The following ZNF148 variants were observed in gnomAD, a reference collection of about 807,000 sequenced individuals.
ZNF148 encodes the protein zinc finger protein 148.
A neutral mutation model predicts 67.7 loss-of-function variants in ZNF148; 7 were observed. The ratio of observed to expected loss-of-function variants is 0.10; its 90% CI spans 0.06 to 0.19. ZNF148 has a LOEUF of 0.19. ZNF148 is among the 10% of genes least tolerant of loss of function. ZNF148 has a pLI of 1.00. For missense variants in ZNF148, 583 were observed against 947.1 expected (o/e 0.62, Z 5.05); for synonymous variants, 333 against 330.7 (o/e 1.01, Z -0.08).
chr3:125,238,756 C>G (rs1936210116), intron 7 of ZNF148, among the ~76,000 whole-genome samples: 1 of 152,140 alleles, frequency 6.6e-6, no homozygotes, highest in Admixed American at 6.5e-5. Context: ...AATTCCATTC[C>G]TAGGTACATA....
chr3:125,312,591 G>A (rs1327252772), intron 4 of ZNF148, among the ~76,000 whole-genome samples: 3 of 152,122 alleles, frequency 2.0e-5, no homozygotes, highest in Non-Finnish European at 2.9e-5. Context: ...TATAAAACAG[G>A]TATGAAGTAT....
At chr3:125,262,570 A>ATT (rs1267952898) in intron 7 of ZNF148, among the ~76,000 whole-genome samples, 6 of 152,268 alleles carry the variant, frequency 3.9e-5, no homozygotes, top group African/African-American at 1.4e-4. Context: ...CCCTTGTAAT[A>ATT]ACAGGCTGAA....
intron 1 of ZNF148, among the ~76,000 whole-genome samples, chr3:125,340,782 C>T (rs1941682915): frequency 2.0e-5 from 3 of 151,554 alleles, no homozygotes; most frequent in South Asian, 2.1e-4. Context: ...GTCAGGAGAT[C>T]GAGACCATCC....
chr3:125,328,022 A>G (rs1311716280), intron 2 of ZNF148, among the ~76,000 whole-genome samples: 2 of 152,038 alleles, frequency 1.3e-5, no homozygotes, highest in African/African-American at 2.4e-5. Flanking sequence ...TGTCATTATG[A>G]ATGTATACCT....
chr3:125,367,508 C>T (rs754266381), intron 1 of ZNF148, among the ~76,000 whole-genome samples: 34 of 152,160 alleles, frequency 2.2e-4, no homozygotes, highest in Non-Finnish European at 3.5e-4. Context: ...CAATTCATTG[C>T]TAGTGCATAT....
chr3:125,259,904 T>TA (rs1937259371), intron 7 of ZNF148, among the ~76,000 whole-genome samples: 2 of 152,184 alleles, frequency 1.3e-5, no homozygotes, highest in South Asian at 4.1e-4. Flanking sequence ...GCTTTTGACT[T>TA]AAAGTGAGAG....
At chr3:125,297,544 C>T (rs532211673) in intron 4 of ZNF148, among the ~76,000 whole-genome samples, 1 of 151,306 alleles carries the variant, frequency 6.6e-6, no homozygotes, top group Non-Finnish European at 1.5e-5. Context: ...TAAAGAACTA[C>T]TACAAATCTG....
intron 2 of ZNF148, among the ~76,000 whole-genome samples, chr3:125,328,351 TAA>T (rs1191207376): frequency 6.6e-6 from 1 of 151,940 alleles, no homozygotes; most frequent in African/African-American, 2.4e-5. Flanking sequence ...GGCAAAATAA[TAA>T]AATCAAAAGA....
At chr3:125,257,620 C>T (rs969617512) in intron 7 of ZNF148, among the ~76,000 whole-genome samples, 12 of 148,736 alleles carry the variant, frequency 8.1e-5, no homozygotes, top group East Asian at 2.0e-4. Context: ...CAGGGGATTA[C>T]GCCATTTTCA....
chr3:125,293,298 T>C (rs1396239438), intron 4 of ZNF148, among the ~76,000 whole-genome samples: 1 of 152,146 alleles, frequency 6.6e-6, no homozygotes, highest in African/African-American at 2.4e-5. Context: ...TTAATACAGA[T>C]GCCCGGGCCC....
At chr3:125,282,235 T>G (rs932288685) in intron 5 of ZNF148, among the ~76,000 whole-genome samples, 8 of 152,170 alleles carry the variant, frequency 5.3e-5, no homozygotes, top group Admixed American at 4.6e-4. Flanking sequence ...ACTTGCCTTC[T>G]TTTCTTGCTC....
At chr3:125,261,867 A>G (rs900588219) in intron 7 of ZNF148, among the ~76,000 whole-genome samples, 2 of 151,216 alleles carry the variant, frequency 1.3e-5, no homozygotes, top group African/African-American at 4.9e-5. Flanking sequence ...CACAGAGTAA[A>G]TAATATTAAG....
At chr3:125,244,817 C>T (rs778355747) in intron 7 of ZNF148, among the ~76,000 whole-genome samples, 1 of 152,088 alleles carries the variant, frequency 6.6e-6, no homozygotes, top group Non-Finnish European at 1.5e-5. Context: ...TACTAGTCCT[C>T]TCAACAAGCA....
intron 1 of ZNF148, chr3:125,344,077 T>G (rs1035593013): frequency 1.1e-4 from 20 of 185,936 alleles, no homozygotes; most frequent in Non-Finnish European, 1.0e-4. Flanking sequence ...ACGCATTAAA[T>G]TACTTGAGTT....
chr3:125,283,549 GAC>G (rs1273152799), intron 5 of ZNF148, among the ~76,000 whole-genome samples: 1 of 152,010 alleles, frequency 6.6e-6, no homozygotes, highest in Non-Finnish European at 1.5e-5. Flanking sequence ...ATTTATACAA[GAC>G]ACACAATTTC....
At chr3:125,248,772 C>T (rs535644760) in intron 7 of ZNF148, among the ~76,000 whole-genome samples, 3 of 152,108 alleles carry the variant, frequency 2.0e-5, no homozygotes, top group Admixed American at 1.3e-4. Context: ...TGCAAAGAAA[C>T]GAGAGAATCA....
chr3:125,289,149 C>A (rs1214902689), intron 4 of ZNF148, among the ~76,000 whole-genome samples: 1 of 152,118 alleles, frequency 6.6e-6, no homozygotes, highest in Admixed American at 6.6e-5. Flanking sequence ...CTATAAAATA[C>A]AGTAAAGATC....
chr3:125,321,752 A>C (rs1940781177), intron 3 of ZNF148, among the ~76,000 whole-genome samples: 1 of 152,194 alleles, frequency 6.6e-6, no homozygotes, highest in African/African-American at 2.4e-5. Context: ...ATTACATTTT[A>C]TGCAAATATC....
At chr3:125,241,056 C>T (rs1374189116) in intron 7 of ZNF148, among the ~76,000 whole-genome samples, 1 of 150,464 alleles carries the variant, frequency 6.6e-6, no homozygotes, top group Admixed American at 6.6e-5. Context: ...ATCCCTTTTC[C>T]TCCCTCCCAT....
Sources: gnomAD v4.1 joint callset for allele counts (sites outside exome capture counted in the v4.1 genomes callset) on GRCh38, gnomAD v4.1.1 for gene constraint, MANE v1.5 for transcripts, NCBI Gene and HGNC (gene_info 2026-07-23, HGNC 2026-07-21) for gene names.